RBM19: variants seen among roughly 807,000 people sequenced by gnomAD.
RBM19 encodes the protein probable RNA-binding protein 19.
A neutral mutation model predicts 116.8 loss-of-function variants in RBM19; 94 were observed. The observed-to-expected ratio is 0.80, with a 90% CI of 0.68 to 0.95. The LOEUF (loss-of-function observed/expected upper bound fraction) is 0.95. Among genes scored for constraint, RBM19 ranks in the 40% least tolerant of loss-of-function variants. The pLI is 0.00. For missense variants in RBM19, 1,161 were observed against 1,220.7 expected (o/e 0.95, Z 0.73); for synonymous variants, 475 against 494.1 (o/e 0.96, Z 0.51).
rs144311475 is a variant in RBM19 at position 113,940,113 on chromosome 12, C to A, written c.1785G>T (p.Pro595=). ...SKTVILVKNL[P]AGTLAAQLQE... is the part of the protein sequence containing the mutation. ...GCAGCTGGGCCGCCAGGGTGCCTGC[C>A]GGGAGGTTCTTGACCAGAATCACAG... Residue 595 remains proline (P), a synonymous_variant, in exon 15 of 24, where the codon CCG becomes CCT. Transcript: ENST00000261741. 8 of 1,614,002 alleles carry A rather than the reference C, an allele frequency of 5.0e-6. No homozygotes were observed. The African/African-American group carries it at 6.7e-5, about 13-fold the overall frequency.
intron 20 of RBM19, among the ~76,000 whole-genome samples, chr12:113,916,795 T>C (rs1007420661): frequency 3.3e-5 from 5 of 152,252 alleles, no homozygotes; most frequent in African/African-American, 1.2e-4. Flanking sequence ...AGCCTTCAGA[T>C]GACTGCTGCC....
rs531383069 is a variant in RBM19, at chr12:113,884,938, T to C, written c.2559-26042A>G. Among the ~76,000 whole-genome samples the C allele has an allele frequency of 6.6e-5, 10 of 151,878 alleles. No individual in the cohort carries two copies. In the South Asian group the frequency reaches 2.1e-3, roughly 32 times the overall value. ...ACTGATAAAAAAATAAGAAAATAAA[T>C]AACTATGAGGAAACGGAATGTGGAG... On this transcript the variant is annotated intron_variant, in intron 21 of 23. Coordinates refer to ENST00000261741, the MANE Select transcript of RBM19 (RefSeq NM_016196.4).
chr12:113,888,927 G>GC (rs1282823773), intron 21 of RBM19, among the ~76,000 whole-genome samples: 2 of 152,202 alleles, frequency 1.3e-5, no homozygotes, highest in East Asian at 3.9e-4. Context: ...GGGTGGTACT[G>GC]CCCCCCTGAA....
Position 113,822,188 on chromosome 12 carries a change from C to T in RBM19, c.*1036G>A, listed in dbSNP as rs1422502640. On this transcript the variant is annotated 3_prime_UTR_variant, in exon 24 of 24. Coordinates refer to ENST00000261741, the MANE Select transcript of RBM19 (RefSeq NM_016196.4). ...GAGGCTCAGCCAGGATGTCATTAGT[C>T]TGAGGTCGCACCTCGGGGAATGGCG... 1 of 152,286 alleles carries T rather than the reference C, an allele frequency of 6.6e-6. No individual in the cohort carries two copies. The highest frequency in any genetic ancestry group is 1.5e-5 in the Non-Finnish European group (1 of 68,078). The allele number at this position is 152,286 out of a possible 1,614,324, so 9.4% of individuals were successfully genotyped here.
chr12:113,915,136 C>T (rs577334318), intron 20 of RBM19, 51 bp from the exon 21 acceptor site: 3 of 1,414,884 alleles, frequency 2.1e-6, no homozygotes, highest in Middle Eastern at 1.8e-4. Context: ...TCAGCAGCTC[C>T]TGCCCAACAT....
At chr12:113,896,644 T>C (rs1214517619) in intron 21 of RBM19, among the ~76,000 whole-genome samples, 1 of 152,160 alleles carries the variant, frequency 6.6e-6, no homozygotes, top group Non-Finnish European at 1.5e-5. Context: ...AAATGCATTT[T>C]ACAAGAGAAC....
chr12:113,955,453 A>T (rs1871850365), intron 6 of RBM19, among the ~76,000 whole-genome samples: 1 of 152,090 alleles, frequency 6.6e-6, no homozygotes, highest in Non-Finnish European at 1.5e-5. Flanking sequence ...AGCTATGGGC[A>T]CCTGGACAGG....
At chr12:113,964,829 G>C (rs1302386297) in intron 1 of RBM19, among the ~76,000 whole-genome samples, 1 of 152,080 alleles carries the variant, frequency 6.6e-6, no homozygotes, top group East Asian at 1.9e-4. Context: ...CCTGGACAGA[G>C]AGGGAAGGTA....
chr12:113,818,410 C>T (rs1158931326), downstream of RBM19, among the ~76,000 whole-genome samples: 1 of 152,142 alleles, frequency 6.6e-6, no homozygotes, highest in Non-Finnish European at 1.5e-5. Flanking sequence ...GGGGGCACCT[C>T]CTACAGGCTC....
intron 22 of RBM19, among the ~76,000 whole-genome samples, chr12:113,851,942 T>G (rs1187200516): frequency 6.6e-6 from 1 of 151,844 alleles, no homozygotes; most frequent in Non-Finnish European, 1.5e-5. Flanking sequence ...TCCTAGCTAC[T>G]TGGGAGGCTG....
chr12:113,871,128 T>C (rs1464915263), intron 21 of RBM19, among the ~76,000 whole-genome samples: 6 of 152,214 alleles, frequency 3.9e-5, no homozygotes, highest in Admixed American at 3.9e-4. Context: ...ATGTGACTAC[T>C]ACAGCCTGCA....
chr12:113,845,407 C>T (rs557157848), intron 22 of RBM19, among the ~76,000 whole-genome samples: 59 of 152,268 alleles, frequency 3.9e-4, no homozygotes, highest in Non-Finnish European at 7.6e-4. Context: ...TTGCTGTTCC[C>T]GACTCCCACA....
chr12:113,835,958 C>G (rs1049497374), intron 23 of RBM19, among the ~76,000 whole-genome samples: 3 of 152,366 alleles, frequency 2.0e-5, no homozygotes, highest in Admixed American at 6.5e-5. Flanking sequence ...CGGATTTCTT[C>G]CATACCATTA....
chr12:113,853,399 T>C (rs577494466), intron 22 of RBM19, among the ~76,000 whole-genome samples: 47 of 152,226 alleles, frequency 3.1e-4, no homozygotes, highest in Non-Finnish European at 5.0e-4. Context: ...CATGTGAAAA[T>C]AGACCTTTTA....
At chr12:113,829,054 G>C (rs2135687679) in intron 23 of RBM19, among the ~76,000 whole-genome samples, 1 of 152,012 alleles carries the variant, frequency 6.6e-6, no homozygotes, top group South Asian at 2.1e-4. Context: ...GGTGAGTGCA[G>C]TGGAGCGATC....
chr12:113,944,579 C>T (rs1319871708), intron 13 of RBM19, among the ~76,000 whole-genome samples: 1 of 152,114 alleles, frequency 6.6e-6, no homozygotes, highest in Non-Finnish European at 1.5e-5. Flanking sequence ...GGCATGATCA[C>T]TTGAGCCTAG....
chr12:113,931,535 G>T (rs946853739), intron 16 of RBM19, among the ~76,000 whole-genome samples: 3 of 152,102 alleles, frequency 2.0e-5, no homozygotes, highest in Admixed American at 2.0e-4. Flanking sequence ...CACCTCACCT[G>T]GACAACTGAA....
At chr12:113,868,539 C>T (rs1879001802) in intron 21 of RBM19, among the ~76,000 whole-genome samples, 2 of 152,168 alleles carry the variant, frequency 1.3e-5, no homozygotes, top group African/African-American at 4.8e-5. Context: ...AGCTTTTCTG[C>T]TGCAGACCTT....
chr12:113,836,529 C>T (rs1456587670), intron 23 of RBM19, among the ~76,000 whole-genome samples: 1 of 152,058 alleles, frequency 6.6e-6, no homozygotes, highest in Non-Finnish European at 1.5e-5. Context: ...CAACAAGTTT[C>T]TTTTGTCTGC....
Sources: allele counts gnomAD v4.1 joint callset (sites outside exome capture counted in the v4.1 genomes callset), GRCh38; gene constraint gnomAD v4.1.1; transcripts MANE v1.5; gene names NCBI Gene and HGNC (gene_info 2026-07-23, HGNC 2026-07-21).